Variants in PCCA observed in about 807,000 individuals in gnomAD.
The protein encoded by PCCA is propionyl-CoA carboxylase alpha chain, mitochondrial.
Under a neutral mutation model 101.3 loss-of-function variants are expected in PCCA, and 74 were observed. That is an observed-to-expected ratio of 0.73 (90% CI 0.61 to 0.89). The LOEUF (loss-of-function observed/expected upper bound fraction) is 0.89. PCCA is among the 40% of genes least tolerant of loss of function. PCCA has a pLI of 0.00. For missense variants in PCCA, 891 were observed against 907.0 expected, an observed-to-expected ratio of 0.98 and a Z score of 0.23; for synonymous variants, 294 against 313.6, an observed-to-expected ratio of 0.94 and a Z score of 0.66.
intron 19 of PCCA, among the ~76,000 whole-genome samples, chr13:100,415,974 T>C (rs775304513): frequency 6.6e-6 from 1 of 152,198 alleles, no homozygotes; most frequent in Non-Finnish European, 1.5e-5. Context: ...GTCAGTAATA[T>C]CTCTCAAATG....
At chr13:100,424,379 A>G (rs575542864) in intron 19 of PCCA, among the ~76,000 whole-genome samples, 1 of 152,202 alleles carries the variant, frequency 6.6e-6, no homozygotes, top group South Asian at 2.1e-4. Flanking sequence ...TGCAGTCATC[A>G]TGGAGTTCCC....
rs936398774 is a variant in PCCA, at chr13:100,242,758, G to A, written c.637+6880G>A. On this transcript the variant is annotated intron_variant, in intron 8 of 23. Coordinates refer to ENST00000376285, the MANE Select transcript of PCCA (RefSeq NM_000282.4). ...GTTTGATATAGAAATATTTTTCCCCGCATGTACTGATTTATATTGATGGAT... is the reference window on the plus strand; with the variant it reads ...GTTTGATATAGAAATATTTTTCCCCACATGTACTGATTTATATTGATGGAT... Among the ~76,000 whole-genome samples the A allele has an allele frequency of 1.5e-4, 23 of 152,068 alleles. 1 individual carries two copies. The highest frequency in any genetic ancestry group is 5.8e-4 in the East Asian group (3 of 5,206).
intron 1 of PCCA, among the ~76,000 whole-genome samples, chr13:100,095,406 C>G (rs1428009824): frequency 6.6e-6 from 1 of 152,192 alleles, no homozygotes; most frequent in Non-Finnish European, 1.5e-5. Flanking sequence ...GTGACTGTTT[C>G]TGCTCCCATT....
intron 18 of PCCA, among the ~76,000 whole-genome samples, 182 bp from the exon 19 acceptor site, chr13:100,368,290 C>T (rs1224199321): frequency 2.0e-5 from 3 of 152,000 alleles, no homozygotes; most frequent in Non-Finnish European, 4.4e-5. Context: ...TTGTGAATGA[C>T]TGTAACAATT....
At chr13:100,496,493 C>T (rs150338594) in intron 21 of PCCA, among the ~76,000 whole-genome samples, 58 of 152,044 alleles carry the variant, frequency 3.8e-4, no homozygotes, top group Middle Eastern at 6.8e-3. Context: ...TTGGCAGGAA[C>T]GTAACGGTGG....
intron 21 of PCCA, among the ~76,000 whole-genome samples, chr13:100,503,257 G>A (rs545391743): frequency 1.1e-3 from 170 of 152,348 alleles, no homozygotes; most frequent in African/African-American, 3.8e-3. Flanking sequence ...TTGGGAGGCC[G>A]AGGTGGGTGG....
chr13:100,218,149 C>A (rs2059622785), intron 7 of PCCA, among the ~76,000 whole-genome samples: 1 of 151,276 alleles, frequency 6.6e-6, no homozygotes, highest in Non-Finnish European at 1.5e-5. Flanking sequence ...AGTATTGCTA[C>A]AAATATTTGT....
At chr13:100,246,855 C>T (rs939448862) in intron 8 of PCCA, among the ~76,000 whole-genome samples, 2 of 151,048 alleles carry the variant, frequency 1.3e-5, no homozygotes, top group Non-Finnish European at 2.9e-5. Context: ...TTATAGAAAA[C>T]TCAAGAGGTC....
chr13:100,093,363 AG>A (rs1308712123), intron 1 of PCCA, among the ~76,000 whole-genome samples: 1 of 152,198 alleles, frequency 6.6e-6, no homozygotes, highest in African/African-American at 2.4e-5. Context: ...ATTTGGAAGA[AG>A]GAAGAAGAGA....
intron 4 of PCCA, among the ~76,000 whole-genome samples, chr13:100,134,332 C>T (rs891693199): frequency 1.3e-5 from 2 of 152,138 alleles, no homozygotes; most frequent in Non-Finnish European, 2.9e-5. Flanking sequence ...TCTTTTTCTC[C>T]CCCCATTTTT....
chr13:100,434,224 A>G (rs918556117), intron 20 of PCCA, among the ~76,000 whole-genome samples: 1 of 152,108 alleles, frequency 6.6e-6, no homozygotes, highest in African/African-American at 2.4e-5. Context: ...CTGGTTTCAT[A>G]GTTGTCTTTG....
chr13:100,268,430 A>G (rs1298479508), intron 10 of PCCA: 2 of 505,380 alleles, frequency 4.0e-6, no homozygotes, highest in Non-Finnish European at 7.2e-6. Flanking sequence ...ACTGATTCTG[A>G]TGTTTTACTC....
chr13:100,316,677 T>G (rs2067381431), intron 16 of PCCA, among the ~76,000 whole-genome samples: 1 of 152,176 alleles, frequency 6.6e-6, no homozygotes, highest in South Asian at 2.1e-4. Flanking sequence ...ATTTTAACAT[T>G]GGCCACACAG....
At chr13:100,372,428 G>T (rs2075632288) in intron 19 of PCCA, among the ~76,000 whole-genome samples, 2 of 152,080 alleles carry the variant, frequency 1.3e-5, no homozygotes, top group South Asian at 2.1e-4. Flanking sequence ...ATTGGATTTG[G>T]CAATGGTTTC....
At chr13:100,213,543 C>G (rs1232177928) in intron 7 of PCCA, among the ~76,000 whole-genome samples, 1 of 152,150 alleles carries the variant, frequency 6.6e-6, no homozygotes, top group Non-Finnish European at 1.5e-5. Context: ...TGAGAAATGT[C>G]TATTCAGATC....
rs576683050 is a variant in PCCA at position 100,232,818 on chromosome 13, T to G, written c.601-3024T>G. 5.9e-5 allele frequency among the ~76,000 whole-genome samples: 9 copies of G among 152,322 alleles called. No individual in the cohort carries two copies. In the East Asian group the frequency reaches 1.7e-3, roughly 29 times the overall value. ...ATGTAACATTTATTTTAGTTATCAA[T>G]TGATTTGTTTATTTTCTGTTTCTCT... On this transcript the variant is annotated intron_variant, in intron 7 of 23. Coordinates refer to ENST00000376285, the MANE Select transcript of PCCA (RefSeq NM_000282.4).
At chr13:100,287,563 T>C (rs2064777031) in intron 12 of PCCA, among the ~76,000 whole-genome samples, 1 of 152,178 alleles carries the variant, frequency 6.6e-6, no homozygotes, top group Non-Finnish European at 1.5e-5. Flanking sequence ...ATTGTTTCTC[T>C]TTTACAAAAG....
chr13:100,200,703 C>T (rs2058427721), intron 6 of PCCA, among the ~76,000 whole-genome samples: 1 of 150,252 alleles, frequency 6.7e-6, no homozygotes, highest in Admixed American at 6.7e-5. Flanking sequence ...AATATAATGC[C>T]AACCCTAACC....
intron 1 of PCCA, among the ~76,000 whole-genome samples, chr13:100,099,153 T>G (rs901208549): frequency 1.3e-5 from 2 of 152,118 alleles, no homozygotes; most frequent in East Asian, 1.9e-4. Flanking sequence ...AGTTATTTAG[T>G]ATTATTCATC....
Sources: allele counts gnomAD v4.1 joint callset (sites outside exome capture counted in the v4.1 genomes callset), GRCh38; gene constraint gnomAD v4.1.1; transcripts MANE v1.5; gene names NCBI Gene and HGNC (gene_info 2026-07-23, HGNC 2026-07-21).